The following PDE4D variants were observed in gnomAD, a reference collection of about 807,000 sequenced individuals.
PDE4D encodes the protein phosphodiesterase 4D, also known as 3',5'-cyclic-AMP phosphodiesterase 4D.
PDE4D carries 24 observed loss-of-function variants against 87.4 expected under a neutral mutation model. The ratio of observed to expected loss-of-function variants is 0.27; its 90% confidence interval spans 0.20 to 0.39. PDE4D has a LOEUF of 0.39. Among genes scored for constraint, PDE4D ranks in the 10% least tolerant of loss-of-function variants. The pLI, the probability that PDE4D is intolerant of heterozygous loss-of-function variation, is 1.00. For missense variants in PDE4D, 714 were observed against 1,041.0 expected, an observed-to-expected ratio of 0.69 and a Z score of 4.32; for synonymous variants, 384 against 383.2, an observed-to-expected ratio of 1.00 and a Z score of -0.02.
At chr5:59,514,697 A>T (rs1810864869) in intron 1 of PDE4D, among the ~76,000 whole-genome samples, 1 of 152,224 alleles carries the variant, frequency 6.6e-6, no homozygotes, top group Admixed American at 6.5e-5. Flanking sequence ...AACGAATTTT[A>T]TCACTTACTA....
chr5:60,059,004 A>G (rs575065153), intron 2 of PDE4D, among the ~76,000 whole-genome samples: 1 of 149,934 alleles, frequency 6.7e-6, no homozygotes, highest in African/African-American at 2.4e-5. Context: ...CATCAATGAA[A>G]TTAGAAGTTC....
At chr5:60,082,072 A>T (rs940227775) in intron 2 of PDE4D, among the ~76,000 whole-genome samples, 1 of 152,102 alleles carries the variant, frequency 6.6e-6, no homozygotes, top group Non-Finnish European at 1.5e-5. Context: ...TTTACTTCCC[A>T]ATTCAGTCTC....
At chr5:60,196,334 C>A (rs1000002471) in intron 1 of PDE4D, among the ~76,000 whole-genome samples, 1 of 151,716 alleles carries the variant, frequency 6.6e-6, no homozygotes. Flanking sequence ...ACTCTCCACC[C>A]TAATTAAAAG....
At chr5:59,356,756 A>C (rs1293456180) in intron 1 of PDE4D, 2 of 1,569,370 alleles carry the variant, frequency 1.3e-6, no homozygotes, top group Non-Finnish European at 1.7e-6. Context: ...AAAGAGTAAT[A>C]CCTGTAGGAC....
chr5:59,589,081 C>T (rs1005152688), intron 1 of PDE4D, among the ~76,000 whole-genome samples: 4 of 152,138 alleles, frequency 2.6e-5, no homozygotes, highest in African/African-American at 9.7e-5. Context: ...GAGTTAAGGA[C>T]TGTTACTAGC....
At chr5:60,238,642 C>T (rs1381011524) in intron 1 of PDE4D, among the ~76,000 whole-genome samples, 1 of 151,798 alleles carries the variant, frequency 6.6e-6, no homozygotes, top group Non-Finnish European at 1.5e-5. Flanking sequence ...TGTTTATCAG[C>T]CATTTTTTTC....
At chr5:59,193,037 T>C (rs1488865619) in intron 3 of PDE4D, among the ~76,000 whole-genome samples, 2 of 152,204 alleles carry the variant, frequency 1.3e-5, no homozygotes, top group African/African-American at 4.8e-5. Context: ...ATTTTCATGA[T>C]TTGTATGCCT....
intron 1 of PDE4D, among the ~76,000 whole-genome samples, chr5:59,269,728 T>C (rs1763469080): frequency 6.6e-6 from 1 of 152,104 alleles, no homozygotes; most frequent in Admixed American, 6.6e-5. Context: ...TATGTGTGCT[T>C]ATACTTTTTA....
intron 1 of PDE4D, among the ~76,000 whole-genome samples, chr5:59,506,018 A>G (rs986647277): frequency 1.3e-5 from 2 of 152,150 alleles, no homozygotes; most frequent in Non-Finnish European, 2.9e-5. Context: ...TTTTTTTTCA[A>G]TAATTATGTC....
chr5:60,330,063 G>A (rs1757182034), intron 1 of PDE4D, among the ~76,000 whole-genome samples: 1 of 151,974 alleles, frequency 6.6e-6, no homozygotes, highest in South Asian at 2.1e-4. Flanking sequence ...CTCTGGGAGG[G>A]TACACAGTGA....
Position 59,053,958 on chromosome 5 carries a change from C to T in PDE4D, c.809-14987G>A, listed in dbSNP as rs570587067. On this transcript the variant is annotated intron_variant, in intron 5 of 14. Coordinates refer to ENST00000340635, the MANE Select transcript of PDE4D (RefSeq NM_001104631.2). The stretch of plus-strand genomic sequence containing the variant: ...TTCCATTTTTACCAATACCACTATT[C>T]TCAATTCATCCACTATTTCACTAGG... Among the ~76,000 whole-genome samples, 67 of 152,130 alleles carry T rather than the reference C, an allele frequency of 4.4e-4. 1 individual carries two copies. The South Asian group carries it at 0.013, about 30-fold the overall frequency.
intron 1 of PDE4D, among the ~76,000 whole-genome samples, chr5:59,748,860 C>A (rs1488810732): frequency 6.6e-6 from 1 of 152,162 alleles, no homozygotes; most frequent in Non-Finnish European, 1.5e-5. Context: ...CAGTGAGGAA[C>A]TGAAGTCTTC....
Position 60,476,858 on chromosome 5 carries a change from G to A in PDE4D, c.-90+11084C>T, listed in dbSNP as rs114422887. 7.3e-3 allele frequency among the ~76,000 whole-genome samples: 1,113 copies of A among 152,178 alleles called. 9 individuals are homozygous for A. Among genetic ancestry groups the A allele is most frequent in the African/African-American group, 0.025 (1,034 of 41,528 alleles). On this transcript the variant is annotated intron_variant, in intron 1 of 16. Coordinates refer to the PDE4D transcript ENST00000502484. ...TCTCAATAACCCTTATCACGGCCAA[G>A]CATTAAATTATGTATTCACACATTT...
At chr5:59,433,714 T>C (rs1796426240) in intron 1 of PDE4D, among the ~76,000 whole-genome samples, 1 of 152,168 alleles carries the variant, frequency 6.6e-6, no homozygotes, top group Admixed American at 6.6e-5. Context: ...AAGACAGGTA[T>C]AGAGTCTAGC....
At chr5:59,954,290 T>C (rs2152806299) in intron 3 of PDE4D, among the ~76,000 whole-genome samples, 1 of 152,262 alleles carries the variant, frequency 6.6e-6, no homozygotes, top group Non-Finnish European at 1.5e-5. Context: ...TTGGCATGGG[T>C]TTGAGAAGAA....
intron 1 of PDE4D, among the ~76,000 whole-genome samples, chr5:60,265,525 T>C (rs1750106064): frequency 1.3e-5 from 2 of 152,108 alleles, no homozygotes; most frequent in African/African-American, 4.8e-5. Context: ...GGTTTTACCT[T>C]TTACCTCTCT....
intron 3 of PDE4D, among the ~76,000 whole-genome samples, chr5:59,953,008 A>C (rs1331407139): frequency 6.6e-6 from 1 of 152,172 alleles, no homozygotes; most frequent in African/African-American, 2.4e-5. Flanking sequence ...CAGAAATAGA[A>C]AACTAATACA....
chr5:59,543,825 G>A (rs76636093), intron 1 of PDE4D, among the ~76,000 whole-genome samples: 6 of 152,112 alleles, frequency 3.9e-5, no homozygotes, highest in Non-Finnish European at 7.4e-5. Flanking sequence ...CTCTTCTATG[G>A]AGATTTCTTA....
At chr5:59,127,435 C>T (rs1199904818) in intron 5 of PDE4D, among the ~76,000 whole-genome samples, 2 of 152,018 alleles carry the variant, frequency 1.3e-5, no homozygotes, top group Admixed American at 1.3e-4. Flanking sequence ...CTTTCTTCTT[C>T]CCCCACCTCC....
Sources: gnomAD v4.1 joint callset for allele counts (sites outside exome capture counted in the v4.1 genomes callset) on GRCh38, gnomAD v4.1.1 for gene constraint, MANE v1.5 for transcripts, NCBI Gene and HGNC (gene_info 2026-07-23, HGNC 2026-07-21) for gene names.